TBC1D22A: variants seen among roughly 807,000 people sequenced by gnomAD.
TBC1D22A encodes the protein TBC1 domain family member 22A, also known as putative GTPase activator.
A neutral mutation model predicts 60.2 loss-of-function variants in TBC1D22A; 38 were observed. The ratio of observed to expected loss-of-function variants is 0.63; its 90% CI spans 0.49 to 0.83. The LOEUF is 0.83. Among genes scored for constraint, TBC1D22A ranks in the 40% least tolerant of loss-of-function variants. The probability of loss-of-function intolerance (pLI) is 0.00; values close to 1 mark genes in which losing one functional copy is unlikely to be tolerated. For synonymous variants in TBC1D22A, 302 were observed against 281.7 expected, an observed-to-expected ratio of 1.07 and a Z score of -0.72; for missense variants, 628 against 701.0, an observed-to-expected ratio of 0.90 and a Z score of 1.18.
intron 11 of TBC1D22A, among the ~76,000 whole-genome samples, chr22:47,064,087 C>T (rs1402770253): frequency 1.3e-5 from 2 of 152,194 alleles, no homozygotes; most frequent in South Asian, 2.1e-4. Context: ...AGGGAGGCCA[C>T]GTTCACAGGA....
At chr22:46,905,811 A>G (rs1374095070) in intron 7 of TBC1D22A, among the ~76,000 whole-genome samples, 1 of 152,144 alleles carries the variant, frequency 6.6e-6, no homozygotes, top group East Asian at 1.9e-4. Context: ...GTCCTTCTCC[A>G]TCCTTCTGGG....
At position 46,929,180 on chromosome 22, in the gene TBC1D22A, A is replaced by G. The variant is rs185561007; in HGVS notation, c.1015+16992A>G. ...AAGGAGATGTAATTGGCAGCTTCCT[A>G]TCGACAAACATTGTGTGGTTTCTGC... is the stretch of plus-strand genomic sequence containing the variant. On this transcript the variant is annotated intron_variant, in intron 8 of 12. Coordinates refer to ENST00000337137, the MANE Select transcript of TBC1D22A (RefSeq NM_014346.5). Among the ~76,000 whole-genome samples the G allele has an allele frequency of 1.2e-4, 18 of 152,350 alleles. No homozygotes were observed. In the East Asian group the frequency reaches 2.1e-3, roughly 18 times the overall value.
In TBC1D22A at chr22:46,866,166, G is replaced by A. The variant is rs187151950; in HGVS notation, c.638-12487G>A. On this transcript the variant is annotated intron_variant, in intron 4 of 12. Transcript: ENST00000337137. ...GTCACCCAGGCTGCAGTGCCGTGGC[G>A]TAATCTTGCCTCACCGCAACCTCCT... Among the ~76,000 whole-genome samples the A allele has an allele frequency of 1.7e-4, 26 of 152,254 alleles. No homozygotes were observed. The East Asian group carries it at 3.1e-3, about 18-fold the overall frequency.
intron 11 of TBC1D22A, among the ~76,000 whole-genome samples, chr22:47,064,760 A>T (rs5769345): frequency 6.6e-6 from 1 of 151,818 alleles, no homozygotes; most frequent in African/African-American, 2.4e-5. Flanking sequence ...CCTGTCTACC[A>T]TCTTACTCAG....
intron 4 of TBC1D22A, among the ~76,000 whole-genome samples, chr22:46,852,763 C>T (rs958096462): frequency 2.0e-5 from 3 of 152,174 alleles, no homozygotes; most frequent in Non-Finnish European, 4.4e-5. Flanking sequence ...CCGTCCATCT[C>T]GCCTTGTGTA....
At chr22:46,898,021 C>CT (rs1227568671) in intron 7 of TBC1D22A, among the ~76,000 whole-genome samples, 2 of 152,104 alleles carry the variant, frequency 1.3e-5, no homozygotes, top group African/African-American at 4.8e-5. Context: ...TTTGATTGTC[C>CT]TTTTTAGTAG....
intron 9 of TBC1D22A, among the ~76,000 whole-genome samples, chr22:46,987,937 G>A (rs1217684781): frequency 1.3e-5 from 2 of 152,124 alleles, no homozygotes; most frequent in African/African-American, 4.8e-5. Context: ...CCCAAGCCCT[G>A]CCACTGCTTT....
At chr22:46,870,201 A>T (rs1278393494) in intron 4 of TBC1D22A, among the ~76,000 whole-genome samples, 3 of 152,244 alleles carry the variant, frequency 2.0e-5, no homozygotes, top group Non-Finnish European at 4.4e-5. Flanking sequence ...GCCTCCAGAT[A>T]GTCTTTGGCC....
At chr22:47,125,955 A>G (rs1204165347) in intron 12 of TBC1D22A, among the ~76,000 whole-genome samples, 1 of 152,094 alleles carries the variant, frequency 6.6e-6, no homozygotes, top group Non-Finnish European at 1.5e-5. Context: ...TGGGAACACA[A>G]AGGAAGGTGA....
chr22:46,877,274 C>T (rs1411325409), intron 4 of TBC1D22A, among the ~76,000 whole-genome samples: 1 of 152,192 alleles, frequency 6.6e-6, no homozygotes, highest in Non-Finnish European at 1.5e-5. Flanking sequence ...TCTTTTAACA[C>T]CAAAGCTTGA....
At chr22:46,785,550 A>G (rs1168891819) in intron 1 of TBC1D22A, among the ~76,000 whole-genome samples, 1 of 152,168 alleles carries the variant, frequency 6.6e-6, no homozygotes, top group African/African-American at 2.4e-5. Flanking sequence ...TCAATTTTAG[A>G]GCATGTTTAT....
chr22:46,854,561 G>A (rs766388471), intron 4 of TBC1D22A, among the ~76,000 whole-genome samples: 1 of 151,018 alleles, frequency 6.6e-6, no homozygotes, highest in Non-Finnish European at 1.5e-5. Context: ...TGTTGTTTCC[G>A]GATGTTCTCG....
At chr22:47,064,760 A>G (rs5769345) in intron 11 of TBC1D22A, among the ~76,000 whole-genome samples, 52,276 of 151,882 alleles carry the variant, frequency 0.34, 9,350 homozygotes, top group East Asian at 0.57. Context: ...CCTGTCTACC[A>G]TCTTACTCAG....
At position 47,134,389 on chromosome 22, in the gene TBC1D22A, G is replaced by A. The variant is rs146390870; in HGVS notation, c.1425+22786G>A. On this transcript the variant is annotated intron_variant, in intron 12 of 12. Coordinates refer to ENST00000337137, the MANE Select transcript of TBC1D22A (RefSeq NM_014346.5). ...GGAAACAAATGACGCCGGCCTGAGG[G>A]TGGGCCAGGGTGGAAGGAAGGCGGG... Among the ~76,000 whole-genome samples, 583 of 152,356 alleles carry A rather than the reference G, an allele frequency of 3.8e-3. 4 individuals are homozygous for A. The highest frequency in any genetic ancestry group is 0.011 in the African/African-American group (438 of 41,588).
intron 9 of TBC1D22A, among the ~76,000 whole-genome samples, chr22:46,983,784 G>T (rs2074607630): frequency 6.6e-6 from 1 of 151,780 alleles, no homozygotes; most frequent in Admixed American, 6.6e-5. Flanking sequence ...AAATAATTTG[G>T]TGGGCTGTTT....
chr22:46,961,020 A>G (rs1305892570), intron 8 of TBC1D22A, among the ~76,000 whole-genome samples: 4 of 65,242 alleles, frequency 6.1e-5, no homozygotes, highest in Non-Finnish European at 1.0e-4. Flanking sequence ...CAGAGACAAG[A>G]AAAAAAAAAA....
intron 11 of TBC1D22A, among the ~76,000 whole-genome samples, chr22:47,094,785 G>A (rs1434101048): frequency 8.5e-5 from 13 of 152,160 alleles, no homozygotes; most frequent in Admixed American, 8.5e-4. Context: ...CCAGGACCAA[G>A]GGACAGACCC....
intron 11 of TBC1D22A, among the ~76,000 whole-genome samples, chr22:47,042,906 G>A (rs550067757): frequency 2.0e-5 from 3 of 152,190 alleles, no homozygotes; most frequent in African/African-American, 4.8e-5. Flanking sequence ...GGGAGGGTGC[G>A]TCAGAAGGTC....
At chr22:47,125,233 C>T (rs1198739451) in intron 12 of TBC1D22A, among the ~76,000 whole-genome samples, 1 of 152,204 alleles carries the variant, frequency 6.6e-6, no homozygotes, top group East Asian at 1.9e-4. Context: ...CCTCACACTT[C>T]AGGGAGGGCG....
Sources: allele counts gnomAD v4.1 joint callset (sites outside exome capture counted in the v4.1 genomes callset), GRCh38; gene constraint gnomAD v4.1.1; transcripts MANE v1.5; gene names NCBI Gene and HGNC (gene_info 2026-07-23, HGNC 2026-07-21).